GALNT17: variants seen among roughly 807,000 people sequenced by gnomAD.
GALNT17 encodes the protein polypeptide N-acetylgalactosaminyltransferase 17, also known as UDP-GalNAc:polypeptide N-acetylgalactosaminyltransferase-like 3.
Under a neutral mutation model 63.7 loss-of-function variants are expected in GALNT17, and 29 were observed. The observed-to-expected ratio is 0.46, with a 90% CI of 0.34 to 0.62. GALNT17 has a LOEUF of 0.62. Among genes scored for constraint, GALNT17 ranks in the 20% least tolerant of loss-of-function variants. The probability of loss-of-function intolerance (pLI) is 0.01; values close to 1 mark genes in which losing one functional copy is unlikely to be tolerated. For synonymous variants in GALNT17, 305 were observed against 318.3 expected (o/e 0.96, Z 0.45); for missense variants, 603 against 799.6 (o/e 0.75, Z 2.97).
chr7:71,203,007 CAT>C (rs780272802), intron 1 of GALNT17, among the ~76,000 whole-genome samples: 9 of 152,158 alleles, frequency 5.9e-5, no homozygotes, highest in Non-Finnish European at 8.8e-5. Flanking sequence ...CACACACACA[CAT>C]ACATACACAC....
At chr7:71,176,053 G>C (rs564571310) in intron 1 of GALNT17, among the ~76,000 whole-genome samples, 49 of 152,250 alleles carry the variant, frequency 3.2e-4, no homozygotes, top group African/African-American at 1.1e-3. Flanking sequence ...CATCTGGCTG[G>C]TTAATGCTGG....
chr7:71,575,514 G>A (rs571629521), intron 6 of GALNT17, among the ~76,000 whole-genome samples: 8 of 151,670 alleles, frequency 5.3e-5, no homozygotes, highest in African/African-American at 1.7e-4. Flanking sequence ...TCAGCCTCCC[G>A]AGTAGCTGGG....
At chr7:71,300,678 A>G in intron 1 of GALNT17, 2 of 251,472 alleles carry the variant, frequency 8.0e-6, no homozygotes, top group Non-Finnish European at 1.6e-5. Context: ...TGCGCATCAT[A>G]TTTCTAAAAG....
At chr7:71,569,803 C>A (rs1231567253) in intron 5 of GALNT17, among the ~76,000 whole-genome samples, 1 of 152,064 alleles carries the variant, frequency 6.6e-6, no homozygotes, top group Non-Finnish European at 1.5e-5. Flanking sequence ...GGGTTGATTT[C>A]ATGATTTTGC....
At chr7:71,137,357 TCTCGATCTCCTGAC>T (rs896293343) in intron 1 of GALNT17, among the ~76,000 whole-genome samples, 1 of 151,168 alleles carries the variant, frequency 6.6e-6, no homozygotes, top group Non-Finnish European at 1.5e-5. Context: ...GCCAGGATGG[TCTCGATCTCCTGAC>T]CTCGTGATCC....
intron 7 of GALNT17, among the ~76,000 whole-genome samples, chr7:71,669,686 T>G (rs906779030): frequency 6.6e-6 from 1 of 151,394 alleles, no homozygotes; most frequent in Non-Finnish European, 1.5e-5. Context: ...CTCAGCCTCC[T>G]GAGTAGCTGA....
At chr7:71,620,454 G>A (rs562440654) in intron 6 of GALNT17, among the ~76,000 whole-genome samples, 1 of 152,216 alleles carries the variant, frequency 6.6e-6, no homozygotes, top group East Asian at 1.9e-4. Context: ...TCCAGCCTGG[G>A]TGACAGAGCA....
At chr7:71,579,024 A>C (rs1562698558) in intron 6 of GALNT17, among the ~76,000 whole-genome samples, 1 of 152,232 alleles carries the variant, frequency 6.6e-6, no homozygotes, top group Non-Finnish European at 1.5e-5. Flanking sequence ...AGAGAGGACC[A>C]GATGATCAGT....
chr7:71,304,233 A>G (rs1216825024), intron 1 of GALNT17, among the ~76,000 whole-genome samples: 4 of 152,198 alleles, frequency 2.6e-5, no homozygotes, highest in Non-Finnish European at 5.9e-5. Flanking sequence ...CTTTTACCCA[A>G]CAGATACTTT....
intron 1 of GALNT17, among the ~76,000 whole-genome samples, chr7:71,275,851 T>G (rs2115723425): frequency 6.6e-6 from 1 of 152,284 alleles, no homozygotes; most frequent in South Asian, 2.1e-4. Context: ...GGCCCAGTTC[T>G]TTGTCCTGAC....
intron 6 of GALNT17, among the ~76,000 whole-genome samples, chr7:71,574,850 C>T (rs527918618): frequency 2.6e-5 from 4 of 152,192 alleles, no homozygotes; most frequent in East Asian, 1.9e-4. Context: ...TAGGTTTAGC[C>T]GACTTCCTGG....
rs780472393 is a variant in GALNT17 at position 71,132,831 on chromosome 7, T to C, written c.29T>C (p.Leu10Pro). The change falls in exon 1 of 11, where the codon CTG becomes CCG. Residue 10 changes from leucine (L) to proline (P), a missense_variant. Physicochemically the swap from Leu to Pro is moderately conservative, Grantham distance 98. Coordinates refer to ENST00000333538, the MANE Select transcript of GALNT17 (RefSeq NM_022479.3). The stretch of plus-strand genomic sequence containing the variant: ...GCTTCACTGAGAAGAGTCAAAGTGC[T>C]GTTGGTGTTGAACTTGATCGCGGTA... Reference protein sequence around the residue: MASLRRVKVLLVLNLIAVAG... With the variant: MASLRRVKVPLVLNLIAVAG... 31 of 1,611,162 alleles carry C rather than the reference T, an allele frequency of 1.9e-5. No homozygotes were observed. Among genetic ancestry groups the C allele is most frequent in the Non-Finnish European group, 2.4e-5 (28 of 1,178,620 alleles).
intron 5 of GALNT17, among the ~76,000 whole-genome samples, chr7:71,518,291 A>G (rs1332494043): frequency 1.3e-5 from 2 of 152,190 alleles, no homozygotes; most frequent in African/African-American, 2.4e-5. Flanking sequence ...GAGTCTGTAC[A>G]TTTCCTGTTT....
intron 1 of GALNT17, among the ~76,000 whole-genome samples, chr7:71,170,674 A>AGT (rs1478191951): frequency 6.6e-6 from 1 of 151,852 alleles, no homozygotes; most frequent in African/African-American, 2.4e-5. Flanking sequence ...TTGAATTTTG[A>AGT]GTGTGTGTGT....
rs569260092 is a variant in GALNT17, at chr7:71,295,158, G to T, written c.239-40392G>T. Among the ~76,000 whole-genome samples, 6 of 152,212 alleles carry T rather than the reference G, an allele frequency of 3.9e-5. No individual in the cohort carries two copies. In the South Asian group the frequency reaches 1.2e-3, roughly 32 times the overall value. Reference sequence around the variant, plus strand: ...TCTAAGTTCTACGAGAACGCTGCTGGCTTCATTTCTCTTCAACCTTTCCAA... The same window carrying T: ...TCTAAGTTCTACGAGAACGCTGCTGTCTTCATTTCTCTTCAACCTTTCCAA... On this transcript the variant is annotated intron_variant, in intron 1 of 10. Transcript: ENST00000333538.
chr7:71,360,946 G>T (rs1362557899), intron 2 of GALNT17, among the ~76,000 whole-genome samples: 4 of 152,140 alleles, frequency 2.6e-5, no homozygotes, highest in African/African-American at 9.7e-5. Context: ...CTCCTTAAAA[G>T]ACGTCCTTAA....
At chr7:71,222,576 G>A (rs79657205) in intron 1 of GALNT17, among the ~76,000 whole-genome samples, 9,128 of 152,222 alleles carry the variant, frequency 0.06, 269 homozygotes, top group Middle Eastern at 0.099. Flanking sequence ...ATAGGAGTTA[G>A]CCATCGTGCC....
chr7:71,153,146 A>G lies in GALNT17; in HGVS notation c.238+20106A>G, dbSNP rs181301757. ...TGGAGTTAGACAGAAGGAATCTCAA[A>G]CTTCCTTTGGCTACTTTACAAAGCC... On this transcript the variant is annotated intron_variant, in intron 1 of 10. Transcript: ENST00000333538. Among the ~76,000 whole-genome samples, 96 of 130,028 alleles carry G rather than the reference A, an allele frequency of 7.4e-4. No homozygotes were observed. In the East Asian group the frequency reaches 0.017, roughly 24 times the overall value. The allele number at this position is 130,028 out of a possible 152,430, so 85.3% of individuals were successfully genotyped here. A position where few individuals can be genotyped will look rare whatever the true frequency, so the allele number is the denominator to read the frequency against.
intron 1 of GALNT17, among the ~76,000 whole-genome samples, chr7:71,206,707 A>G (rs979526961): frequency 2.6e-5 from 4 of 152,090 alleles, no homozygotes; most frequent in African/African-American, 9.7e-5. Context: ...CCTCTACTTG[A>G]TCAGGGTCTC....
Sources: gnomAD v4.1 joint callset for allele counts (sites outside exome capture counted in the v4.1 genomes callset) on GRCh38, gnomAD v4.1.1 for gene constraint, MANE v1.5 for transcripts, NCBI Gene and HGNC (gene_info 2026-07-23, HGNC 2026-07-21) for gene names.